The following DOCK1 variants were observed in gnomAD, a reference collection of about 807,000 sequenced individuals.
DOCK1 encodes dedicator of cytokinesis 1, also known as dedicator of cytokinesis protein 1.
A neutral mutation model predicts 262.7 loss-of-function variants in DOCK1; 138 were observed. The ratio of observed to expected loss-of-function variants is 0.53; its 90% CI spans 0.46 to 0.61. The LOEUF (loss-of-function observed/expected upper bound fraction) is 0.61, where lower values mean the gene tolerates loss of function less well. Among genes scored for constraint, DOCK1 ranks in the 20% least tolerant of loss-of-function variants. DOCK1 has a pLI of 0.00. For missense variants in DOCK1, 1,908 were observed against 2,370.7 expected (o/e 0.80, Z 4.05); for synonymous variants, 866 against 867.4 (o/e 1.00, Z 0.03).
chr10:127,192,978 A>G (rs1331197032), intron 27 of DOCK1, among the ~76,000 whole-genome samples: 3 of 152,222 alleles, frequency 2.0e-5, no homozygotes, highest in Non-Finnish European at 4.4e-5. Context: ...GTATTGGAAT[A>G]AAGACTTCTC....
At position 127,447,295 on chromosome 10, in the gene DOCK1, C is replaced by T. The variant is rs902428638; in HGVS notation, c.5414-99C>T. 34 of 1,508,524 alleles carry T rather than the reference C, an allele frequency of 2.3e-5. No individual in the cohort carries two copies. In the African/African-American group the frequency reaches 4.3e-4, roughly 19 times the overall value. 93.4% of individuals were successfully genotyped at this position (1,508,524 alleles called of 1,614,324 possible). On this transcript the variant is annotated intron_variant, in intron 50 of 51. Transcript: ENST00000623213. ...TTTTCTGCCAGATGAAGTGTTTCTGCTGTGCCTGCCTCTCTGGGAGGGAAC... is the reference window on the plus strand; with the variant it reads ...TTTTCTGCCAGATGAAGTGTTTCTGTTGTGCCTGCCTCTCTGGGAGGGAAC...
At chr10:127,204,569 G>A (rs1234200315) in intron 27 of DOCK1, among the ~76,000 whole-genome samples, 1 of 152,136 alleles carries the variant, frequency 6.6e-6, no homozygotes, top group Non-Finnish European at 1.5e-5. Flanking sequence ...TCACTGGCGT[G>A]AGCCACCGTG....
chr10:127,289,312 G>A (rs972759891), intron 29 of DOCK1, among the ~76,000 whole-genome samples: 1 of 152,120 alleles, frequency 6.6e-6, no homozygotes, highest in Non-Finnish European at 1.5e-5. Flanking sequence ...TTTTACCACT[G>A]TGCAGATTCC....
At chr10:127,013,410 C>T (rs1481263979) in intron 12 of DOCK1, 1 of 152,224 alleles carries the variant, frequency 6.6e-6, no homozygotes, top group African/African-American at 2.4e-5. Flanking sequence ...CACTCTCAGG[C>T]TGGGAGTGCC....
chr10:126,970,693 T>G lies in DOCK1; in HGVS notation c.47-9T>G. The G allele has an allele frequency of 1.9e-6, 3 of 1,603,274 alleles. No homozygotes were observed. Among genetic ancestry groups the G allele is most frequent in the Non-Finnish European group, 2.6e-6 (3 of 1,170,482 alleles). On this transcript the variant is annotated splice_polypyrimidine_tract_variant and intron_variant, in intron 1 of 51. Transcript: ENST00000623213. ...TATTACTAATATATTTCCCCTTTTT[T>G]CATCACAGCTTTTTATAACTATGAT...
chr10:127,267,162 G>A (rs1357681532), intron 29 of DOCK1, among the ~76,000 whole-genome samples: 2 of 152,168 alleles, frequency 1.3e-5, no homozygotes, highest in African/African-American at 4.8e-5. Context: ...CAGGGACATT[G>A]GCAGTTCTCT....
intron 29 of DOCK1, among the ~76,000 whole-genome samples, chr10:127,279,916 C>T (rs555752349): frequency 1.5e-4 from 22 of 149,400 alleles, no homozygotes; most frequent in South Asian, 8.4e-4. Context: ...TAATAGAGTT[C>T]GAGAAAAGTG....
chr10:127,031,892 C>A, intron 17 of DOCK1, 139 bp downstream of exon 17: 1 of 896,222 alleles, frequency 1.1e-6, no homozygotes, highest in Non-Finnish European at 1.7e-6. Context: ...TGAACATTTC[C>A]AATGACCAGC....
At chr10:126,941,494 T>C (rs916823132) in intron 1 of DOCK1, among the ~76,000 whole-genome samples, 12,072 of 152,262 alleles carry the variant, frequency 0.079, 542 homozygotes, top group African/African-American at 0.096. Context: ...CAGTGGCTCA[T>C]GCCTGTAATC....
At chr10:127,061,914 A>C in intron 23 of DOCK1, 138 bp downstream of exon 23, 1 of 277,516 alleles carries the variant, frequency 3.6e-6, no homozygotes, top group Non-Finnish European at 6.3e-6. Flanking sequence ...TCTCAATTTG[A>C]TTTCAAGAGC....
At chr10:127,027,285 T>C (rs973715700) in intron 16 of DOCK1, among the ~76,000 whole-genome samples, 3 of 152,232 alleles carry the variant, frequency 2.0e-5, no homozygotes, top group African/African-American at 7.2e-5. Flanking sequence ...CTCTTCTGTA[T>C]CTTCATTTGA....
At chr10:126,949,118 T>A (rs889957150) in intron 1 of DOCK1, among the ~76,000 whole-genome samples, 1 of 152,130 alleles carries the variant, frequency 6.6e-6, no homozygotes, top group African/African-American at 2.4e-5. Flanking sequence ...CTGCCCTTGC[T>A]GCCTGCCTGG....
chr10:126,934,771 T>C (rs900453889), intron 1 of DOCK1, among the ~76,000 whole-genome samples: 1 of 145,024 alleles, frequency 6.9e-6, no homozygotes, highest in Non-Finnish European at 1.5e-5. Flanking sequence ...TTTTTTTTTT[T>C]GTCTTCTTGA....
chr10:127,140,027 C>T (rs562665954), intron 27 of DOCK1, among the ~76,000 whole-genome samples: 5 of 152,256 alleles, frequency 3.3e-5, no homozygotes, highest in East Asian at 1.9e-4. Flanking sequence ...GGTATAGAAG[C>T]GTAATTCTAC....
At chr10:127,450,873 A>C (rs1242785807) in intron 51 of DOCK1, among the ~76,000 whole-genome samples, 1 of 152,076 alleles carries the variant, frequency 6.6e-6, no homozygotes, top group East Asian at 1.9e-4. Context: ...TGCAACAGAG[A>C]CCGTGTGGCC....
intron 1 of DOCK1, among the ~76,000 whole-genome samples, chr10:126,923,912 C>T (rs2033449248): frequency 6.6e-6 from 1 of 152,210 alleles, no homozygotes; most frequent in South Asian, 2.1e-4. Flanking sequence ...AGCCAGGAAA[C>T]AGGCCCTTGC....
At chr10:127,302,746 G>A (rs937520637) in intron 29 of DOCK1, among the ~76,000 whole-genome samples, 8 of 97,780 alleles carry the variant, frequency 8.2e-5, no homozygotes, top group African/African-American at 1.8e-4. Context: ...GAGGGGGTGT[G>A]TGTGTGTGTG....
At chr10:127,090,259 A>G (rs1282151704) in intron 23 of DOCK1, among the ~76,000 whole-genome samples, 1 of 152,162 alleles carries the variant, frequency 6.6e-6, no homozygotes, top group African/African-American at 2.4e-5. Flanking sequence ...CTCATTAAGA[A>G]GGTGACTAAT....
intron 29 of DOCK1, among the ~76,000 whole-genome samples, chr10:127,268,618 C>A (rs1413807490): frequency 1.3e-5 from 2 of 151,990 alleles, no homozygotes; most frequent in African/African-American, 2.4e-5. Context: ...TGCCATGTGA[C>A]CTCAGCCAAA....
Sources: allele counts gnomAD v4.1 joint callset (sites outside exome capture counted in the v4.1 genomes callset), GRCh38; gene constraint gnomAD v4.1.1; transcripts MANE v1.5; gene names NCBI Gene and HGNC (gene_info 2026-07-23, HGNC 2026-07-21).